Variants in OTOGL observed in about 807,000 individuals in gnomAD.
The protein encoded by OTOGL is otogelin like, also known as otogelin-like protein.
A neutral mutation model predicts 318.5 loss-of-function variants in OTOGL; 285 were observed. The observed-to-expected ratio is 0.89, with a 90% CI of 0.81 to 0.99. OTOGL has a LOEUF of 0.99. Ranked by LOEUF, OTOGL falls within the 50% of genes least tolerant of loss-of-function variation. The probability of loss-of-function intolerance (pLI) is 0.00; values close to 1 mark genes in which losing one functional copy is unlikely to be tolerated. For synonymous variants in OTOGL, 987 were observed against 936.5 expected (o/e 1.05, Z -0.99); for missense variants, 2,899 against 2,845.6 (o/e 1.02, Z -0.43).
chr12:80,377,727 G>T, intron 58 of OTOGL, 121 bp from the exon 59 acceptor site: 1 of 761,442 alleles, frequency 1.3e-6, no homozygotes. Flanking sequence ...GCAACATGCA[G>T]AAGCTTGAGG....
chr12:80,289,438 G>A (rs1884875927), intron 26 of OTOGL, among the ~76,000 whole-genome samples: 1 of 152,214 alleles, frequency 6.6e-6, no homozygotes, highest in Non-Finnish European at 1.5e-5. Flanking sequence ...TGTGAGATCC[G>A]CTGCTCTCGT....
intron 34 of OTOGL, among the ~76,000 whole-genome samples, chr12:80,322,089 C>G (rs1284719037): frequency 6.6e-6 from 1 of 152,172 alleles, no homozygotes; most frequent in Non-Finnish European, 1.5e-5. Flanking sequence ...AAGATTCCTC[C>G]TTACCTCAGG....
In OTOGL at chr12:80,356,917, G is replaced by A; in HGVS notation, c.6019+3G>A. On this transcript the variant is annotated splice_donor_region_variant and intron_variant, in intron 49 of 58. Coordinates refer to ENST00000547103, the MANE Select transcript of OTOGL (RefSeq NM_001378609.3). ...TTGTTGTTTTTCCCCTTTTTGTGGT[G>A]AGTATTGTAGAGATAATTTCTTGGA... 6.6e-7 allele frequency: 1 copy of A among 1,510,912 alleles called. No individual in the cohort carries two copies. Among genetic ancestry groups the A allele is most frequent in the African/African-American group, 1.4e-5 (1 of 70,496 alleles). The allele number at this position is 1,510,912 out of a possible 1,614,324, so 93.6% of individuals were successfully genotyped here.
chr12:80,337,030 T>C, intron 42 of OTOGL, 26 bp downstream of exon 42: 1 of 1,480,530 alleles, frequency 6.8e-7, no homozygotes, highest in Non-Finnish European at 9.2e-7. Flanking sequence ...TAAAATTTTT[T>C]CTCACATTAG....
chr12:80,313,987 G>T (rs1241214213), intron 31 of OTOGL, among the ~76,000 whole-genome samples: 1 of 151,966 alleles, frequency 6.6e-6, no homozygotes, highest in Admixed American at 6.6e-5. Flanking sequence ...CCTTGAATTT[G>T]CTTTCAGATT....
chr12:80,282,585 C>T (rs1042856848), intron 26 of OTOGL, among the ~76,000 whole-genome samples: 1 of 151,306 alleles, frequency 6.6e-6, no homozygotes, highest in East Asian at 1.9e-4. Context: ...CTACGGAAGG[C>T]ACACTAAAGA....
In OTOGL at chr12:80,212,025, G is replaced by T; in HGVS notation, c.168+28G>T. 3 of 1,543,748 alleles carry T rather than the reference G, an allele frequency of 1.9e-6. No homozygotes were observed. In the South Asian group the frequency reaches 3.5e-5, roughly 18 times the overall value. On this transcript the variant is annotated intron_variant, in intron 4 of 58. Coordinates refer to ENST00000547103, the MANE Select transcript of OTOGL (RefSeq NM_001378609.3). ...AGGTTATGCTTCAGGTGGAGAGAGA[G>T]GCAGAGAAATAATCCATTCTGTTTT...
At chr12:80,323,692 T>C in intron 34 of OTOGL, 31 bp from the exon 35 acceptor site, 1 of 1,500,266 alleles carries the variant, frequency 6.7e-7, no homozygotes, top group Non-Finnish European at 9.3e-7. Context: ...GTATTAAATA[T>C]GCACACAATC....
At chr12:80,222,979 CT>C (rs1212337071) in intron 7 of OTOGL, among the ~76,000 whole-genome samples, 1 of 152,022 alleles carries the variant, frequency 6.6e-6, no homozygotes, top group Non-Finnish European at 1.5e-5. Context: ...TTTTAGTCCA[CT>C]ATCCCCTGAG....
At chr12:80,104,043 G>A (rs933705522) in intron 1 of OTOGL, among the ~76,000 whole-genome samples, 1 of 152,152 alleles carries the variant, frequency 6.6e-6, no homozygotes, top group African/African-American at 2.4e-5. Flanking sequence ...GAAAAGATCA[G>A]AATTCCCAAT....
At chr12:80,101,216 G>A (rs1243304028) in intron 1 of OTOGL, among the ~76,000 whole-genome samples, 1 of 152,166 alleles carries the variant, frequency 6.6e-6, no homozygotes, top group Non-Finnish European at 1.5e-5. Context: ...CTACGTGAAA[G>A]GTTGATGTTT....
chr12:80,250,547 T>C (rs1341527742), intron 11 of OTOGL, among the ~76,000 whole-genome samples: 1 of 152,226 alleles, frequency 6.6e-6, no homozygotes, highest in African/African-American at 2.4e-5. Context: ...AATTTTAGCC[T>C]AAACTGTTTT....
In OTOGL at chr12:80,194,686, T is replaced by A. The variant is rs1359947512; in HGVS notation, c.-19-14727T>A. Among the ~76,000 whole-genome samples, 4 of 152,332 alleles carry A rather than the reference T, an allele frequency of 2.6e-5. No individual in the cohort carries two copies. In the East Asian group the frequency reaches 5.8e-4, roughly 22 times the overall value. ...CATTATACTAGAGAGCGCTCTAAAATATATTTAATGTAGCACTTACATTTA... is the reference window on the plus strand; with the variant it reads ...CATTATACTAGAGAGCGCTCTAAAAAATATTTAATGTAGCACTTACATTTA... On this transcript the variant is annotated intron_variant, in intron 1 of 58. Coordinates refer to ENST00000547103, the MANE Select transcript of OTOGL (RefSeq NM_001378609.3).
At chr12:80,294,960 C>T (rs899815934) in intron 26 of OTOGL, among the ~76,000 whole-genome samples, 27 of 151,938 alleles carry the variant, frequency 1.8e-4, no homozygotes, top group Non-Finnish European at 4.4e-5. Flanking sequence ...TGTGGTGGCA[C>T]ACAGCTGTAG....
At position 80,336,082 on chromosome 12, in the gene OTOGL, C is replaced by T; in HGVS notation, c.4542C>T (p.Phe1514=). The stretch of plus-strand genomic sequence containing the variant: ...ACGTGGAAATGCCTGACTGTGGTTT[C>T]CGAGGAAGGCCAGTTCAAGTGAACA... The part of the protein sequence containing the change: ...PKDVEMPDCG[F]RGRPVQVNSD... The change falls in exon 39 of 59, where the codon TTC becomes TTT. Residue 1514 remains phenylalanine, a synonymous_variant. Coordinates refer to ENST00000547103, the MANE Select transcript of OTOGL (RefSeq NM_001378609.3). 1.3e-6 allele frequency: 2 copies of T among 1,598,708 alleles called. No individual in the cohort carries two copies. Among genetic ancestry groups the T allele is most frequent in the Non-Finnish European group, 1.7e-6 (2 of 1,179,394 alleles).
intron 7 of OTOGL, among the ~76,000 whole-genome samples, chr12:80,222,810 A>C (rs1331496809): frequency 1.3e-5 from 2 of 152,168 alleles, no homozygotes; most frequent in African/African-American, 4.8e-5. Flanking sequence ...AACATATTTG[A>C]ATCTCTGTTA....
At chr12:80,184,290 A>G (rs1049219577) in intron 1 of OTOGL, among the ~76,000 whole-genome samples, 4 of 152,222 alleles carry the variant, frequency 2.6e-5, no homozygotes, top group African/African-American at 7.2e-5. Context: ...ACTTCTGGCT[A>G]TATAAGAAGA....
At chr12:80,207,453 G>T (rs151007598) in intron 1 of OTOGL, among the ~76,000 whole-genome samples, 54 of 152,082 alleles carry the variant, frequency 3.6e-4, no homozygotes, top group Middle Eastern at 3.4e-3. Context: ...GATCCCCCTG[G>T]CTCGGCCTCC....
At chr12:80,126,881 T>C (rs185252991) in intron 1 of OTOGL, among the ~76,000 whole-genome samples, 2 of 152,178 alleles carry the variant, frequency 1.3e-5, no homozygotes, top group African/African-American at 4.8e-5. Context: ...TTTTTTTGTT[T>C]TCCATTTGCT....
Sources: gnomAD v4.1 joint callset for allele counts (sites outside exome capture counted in the v4.1 genomes callset) on GRCh38, gnomAD v4.1.1 for gene constraint, MANE v1.5 for transcripts, NCBI Gene and HGNC (gene_info 2026-07-23, HGNC 2026-07-21) for gene names.